LIPC: variants seen among roughly 807,000 people sequenced by gnomAD.
LIPC encodes lipase C, hepatic type.
Under a neutral mutation model 50.7 loss-of-function variants are expected in LIPC, and 44 were observed. The ratio of observed to expected loss-of-function variants is 0.87; its 90% CI spans 0.68 to 1.11. The LOEUF is 1.11. Ranked by LOEUF, LIPC falls within the 50% of genes most tolerant of loss-of-function variation. The pLI, the probability that LIPC is intolerant of heterozygous loss-of-function variation, is 0.00. For missense variants in LIPC, 697 were observed against 648.2 expected (o/e 1.08, Z -0.82); for synonymous variants, 271 against 256.4 (o/e 1.06, Z -0.54).
At chr15:58,539,140 T>G (rs1285714254) in intron 2 of LIPC, among the ~76,000 whole-genome samples, 7 of 152,160 alleles carry the variant, frequency 4.6e-5, no homozygotes, top group African/African-American at 1.7e-4. Flanking sequence ...AGCCATCACA[T>G]CTTTATTCCA....
At chr15:58,563,774 C>A in intron 8 of LIPC, 51 bp downstream of exon 8, 2 of 1,445,902 alleles carry the variant, frequency 1.4e-6, no homozygotes, top group Non-Finnish European at 1.9e-6. Context: ...CCCACTTGTG[C>A]CAGGCAGTCT....
chr15:58,470,798 C>T (rs1894766014), intron 1 of LIPC, among the ~76,000 whole-genome samples: 1 of 152,052 alleles, frequency 6.6e-6, no homozygotes, highest in Non-Finnish European at 1.5e-5. Flanking sequence ...TGGGATTTCA[C>T]TCTATTAGCA....
intron 8 of LIPC, among the ~76,000 whole-genome samples, chr15:58,567,311 ATATG>A (rs1163912259): frequency 4.7e-4 from 13 of 27,458 alleles, no homozygotes; most frequent in Non-Finnish European, 6.7e-4. Context: ...ATATACATAT[ATATG>A]TATATGTGTA....
At position 58,565,664 on chromosome 15, in the gene LIPC, C is replaced by T. The variant is rs1481356870; in HGVS notation, c.1388+1941C>T. 1.2e-5 allele frequency: 12 copies of T among 1,019,476 alleles called. No individual in the cohort carries two copies. In the African/African-American group the frequency reaches 1.7e-4, roughly 15 times the overall value. 63.2% of individuals were successfully genotyped at this position (1,019,476 alleles called of 1,614,324 possible). A position where few individuals can be genotyped will look rare whatever the true frequency, so the allele number is the denominator to read the frequency against. On this transcript the variant is annotated intron_variant, in intron 8 of 8. Coordinates refer to ENST00000299022, the MANE Select transcript of LIPC (RefSeq NM_000236.3). ...TGACTGGGATTTGTCTGATTTATTA[C>T]CCATTTGTTGGGGGTGTGCTGTTTC...
At chr15:58,457,301 G>T (rs1231172009) in intron 1 of LIPC, among the ~76,000 whole-genome samples, 3 of 152,120 alleles carry the variant, frequency 2.0e-5, no homozygotes, top group Non-Finnish European at 4.4e-5. Context: ...GCAGAGACAG[G>T]GTTTCTCCAC....
intron 1 of LIPC, among the ~76,000 whole-genome samples, chr15:58,476,699 C>A (rs1891011110): frequency 6.6e-6 from 1 of 152,230 alleles, no homozygotes; most frequent in Non-Finnish European, 1.5e-5. Context: ...CCTGACTCTG[C>A]CAGGTGCTAG....
intron 1 of LIPC, among the ~76,000 whole-genome samples, chr15:58,456,640 T>C (rs1010166531): frequency 6.6e-6 from 1 of 152,236 alleles, no homozygotes; most frequent in African/African-American, 2.4e-5. Flanking sequence ...CCTGCCCCCA[T>C]GGGCCTAAGT....
intron 1 of LIPC, among the ~76,000 whole-genome samples, chr15:58,537,848 A>G (rs1893186043): frequency 6.6e-6 from 1 of 152,108 alleles, no homozygotes; most frequent in East Asian, 1.9e-4. Flanking sequence ...ATCTGTCTGC[A>G]CGTGAGGACA....
At chr15:58,447,234 G>A (rs1296541872) in intron 1 of LIPC, among the ~76,000 whole-genome samples, 2 of 150,592 alleles carry the variant, frequency 1.3e-5, no homozygotes, top group African/African-American at 2.4e-5. Context: ...CTCATGGAAA[G>A]CATCCCAGAG....
At chr15:58,531,060 T>C (rs1348430960) in intron 1 of LIPC, among the ~76,000 whole-genome samples, 2 of 152,222 alleles carry the variant, frequency 1.3e-5, no homozygotes, top group African/African-American at 4.8e-5. Context: ...CATTTGCCTT[T>C]AAAGAACTTG....
intron 1 of LIPC, among the ~76,000 whole-genome samples, chr15:58,434,038 C>T (rs1893208700): frequency 6.6e-6 from 1 of 151,984 alleles, no homozygotes; most frequent in African/African-American, 2.4e-5. Context: ...ATTTTGCCCT[C>T]CAGGGGACAC....
At chr15:58,494,947 C>T (rs549037847) in intron 1 of LIPC, 1 of 447,650 alleles carries the variant, frequency 2.2e-6, no homozygotes. Context: ...ATCACAGGTT[C>T]CAAAACACCC....
In LIPC at chr15:58,560,838, C is replaced by G. The variant is rs779944778; in HGVS notation, c.1052-26C>G. 1.9e-5 allele frequency: 17 copies of G among 900,272 alleles called. No individual in the cohort carries two copies. In the Admixed American group the frequency reaches 2.4e-4, roughly 13 times the overall value. 55.8% of individuals were successfully genotyped at this position (900,272 alleles called of 1,614,324 possible). ...AAATCACTGCTTAAATTATCTCTCT[C>G]TTTCTCTCTCTGTCTCTCTCTCTAG... On this transcript the variant is annotated intron_variant, in intron 6 of 8. Transcript: ENST00000299022.
At chr15:58,511,340 T>C (rs1892325066) in intron 1 of LIPC, among the ~76,000 whole-genome samples, 1 of 152,190 alleles carries the variant, frequency 6.6e-6, no homozygotes, top group Non-Finnish European at 1.5e-5. Flanking sequence ...AACTGAATCC[T>C]CACTAACCCC....
intron 1 of LIPC, among the ~76,000 whole-genome samples, chr15:58,484,901 A>G (rs1286075388): frequency 6.6e-6 from 1 of 152,244 alleles, no homozygotes; most frequent in African/African-American, 2.4e-5. Context: ...GTGGGTTGCA[A>G]GCCGTGGTTC....
At position 58,560,998 on chromosome 15, in the gene LIPC, G is replaced by GCC. The variant is rs574458779; in HGVS notation, c.1169+21_1169+22dup. On this transcript the variant is annotated intron_variant, in intron 7 of 8. Transcript: ENST00000299022. ...CATCACTCTGTGAGTAGGAGGTGTA[G>GCC]CCCCCTAGGGTGATGACACACTTAT... 881 of 1,028,424 alleles carry GCC rather than the reference G, an allele frequency of 8.6e-4. 6 individuals carry two copies. The highest frequency in any genetic ancestry group is 4.2e-3 in the Middle Eastern group (21 of 4,944). The allele number at this position is 1,028,424 out of a possible 1,614,324, so 63.7% of individuals were successfully genotyped here.
chr15:58,456,944 G>C (rs1894143244), intron 1 of LIPC, among the ~76,000 whole-genome samples: 1 of 152,154 alleles, frequency 6.6e-6, no homozygotes, highest in African/African-American at 2.4e-5. Context: ...AAACTATGGA[G>C]GTCAAGTGGC....
intron 1 of LIPC, among the ~76,000 whole-genome samples, chr15:58,525,383 C>T (rs2140882256): frequency 6.6e-6 from 1 of 152,328 alleles, no homozygotes; most frequent in South Asian, 2.1e-4. Flanking sequence ...CAAATCTTCC[C>T]CCATAGTCCT....
intron 1 of LIPC, among the ~76,000 whole-genome samples, chr15:58,509,539 T>C (rs1355275400): frequency 6.6e-6 from 1 of 152,206 alleles, no homozygotes; most frequent in African/African-American, 2.4e-5. Flanking sequence ...TAATAGGTGT[T>C]CAGTAAATAA....
Sources: gnomAD v4.1 joint callset for allele counts (sites outside exome capture counted in the v4.1 genomes callset) on GRCh38, gnomAD v4.1.1 for gene constraint, MANE v1.5 for transcripts, NCBI Gene and HGNC (gene_info 2026-07-23, HGNC 2026-07-21) for gene names.